Variants in SGSH observed in about 807,000 individuals in gnomAD.
SGSH encodes N-sulfoglucosamine sulfohydrolase.
In SGSH, 48 loss-of-function variants were observed where a neutral mutation model predicts 51.0. That is an observed-to-expected ratio of 0.94 (90% confidence interval 0.75 to 1.20). The LOEUF is 1.20. Ranked by LOEUF, SGSH falls within the 50% of genes most tolerant of loss-of-function variation. SGSH has a pLI of 0.00. For synonymous variants in SGSH, 321 were observed against 313.4 expected, an observed-to-expected ratio of 1.02 and a Z score of -0.26; for missense variants, 662 against 717.8, an observed-to-expected ratio of 0.92 and a Z score of 0.89.
In SGSH at chr17:80,210,948, G is replaced by A. The variant is rs143526757; in HGVS notation, c.1013C>T (p.Ser338Leu). The change falls in exon 8 of 8, where the codon TCG becomes TTG. Residue 338 changes from serine to leucine, a missense_variant. Physicochemically the swap from Ser to Leu is moderately radical, Grantham distance 145. Coordinates refer to ENST00000326317, the MANE Select transcript of SGSH (RefSeq NM_000199.5). ...IPYPSYAIFG[S>L]KTIHLTGRSL... ...CCGGCCAGTGAGGTGGATGGTCTTC[G>A]AGCCAAAGATGGCGTAGCTGGGGTA... The A allele has an allele frequency of 1.4e-5, 23 of 1,604,530 alleles. No homozygotes were observed. Among genetic ancestry groups the A allele is most frequent in the South Asian group, 3.3e-5 (3 of 91,088 alleles).
At chr17:80,206,385 G>A (rs944046398), downstream of SGSH, among the ~76,000 whole-genome samples, 24 of 152,258 alleles carry the variant, frequency 1.6e-4, no homozygotes, top group African/African-American at 5.1e-4. Flanking sequence ...AGGCCTAGGC[G>A]GGAAGATTGC....
In SGSH at chr17:80,212,163, T is replaced by TC. The variant is rs1567918280; in HGVS notation, c.856_857insG (p.Tyr286Ter). The change falls in exon 7 of 8, where the codon TAC becomes TGAC. Residue 286 changes from tyrosine (Y) to a stop codon, truncating the protein, a stop_gained and frameshift_variant. Coordinates refer to ENST00000326317, the MANE Select transcript of SGSH (RefSeq NM_000199.5). LOFTEE classifies it high-confidence loss of function. This position sits in a 1 kb window ranked among gnomAD's most constrained non-coding sequence, Gnocchi z 5.9. ...IPFPSGRTNLYWPGTAEPLLV... is the reference protein window; with the variant it reads ...IPFPSGRTNL Reference sequence around the variant, plus strand: ...TAAGGGTTCAGCAGTGCCCGGCCAGTACAGGTTGGTCCTGCCGCTGGGGAA... The same window carrying TC: ...TAAGGGTTCAGCAGTGCCCGGCCAGTCACAGGTTGGTCCTGCCGCTGGGGAA... The TC allele has an allele frequency of 6.2e-7, 1 of 1,613,538 alleles. No individual in the cohort carries two copies. The highest frequency in any genetic ancestry group is 8.5e-7 in the Non-Finnish European group (1 of 1,180,028).
chr17:80,202,406 C>G, downstream of SGSH: 1 of 1,612,086 alleles, frequency 6.2e-7, no homozygotes, highest in Non-Finnish European at 8.5e-7. Context: ...ACGGCACCAT[C>G]CCCAACTACT....
chr17:80,217,484 T>C (rs1404285934), intron 1 of SGSH, among the ~76,000 whole-genome samples: 4 of 150,498 alleles, frequency 2.7e-5, no homozygotes, highest in African/African-American at 9.8e-5. Flanking sequence ...GAAGACCCCA[T>C]ACCCACTGGG....
At chr17:80,214,972 T>A (rs886225698) in intron 3 of SGSH, 61 bp downstream of exon 3, 1 of 1,473,978 alleles carries the variant, frequency 6.8e-7, no homozygotes, top group Non-Finnish European at 9.3e-7. Flanking sequence ...CCGAACCTCC[T>A]GGGCTCTGGC....
At chr17:80,205,290 C>T (rs1023624238), downstream of SGSH, 42 of 1,244,018 alleles carry the variant, frequency 3.4e-5, no homozygotes, top group African/African-American at 5.8e-4. Flanking sequence ...TCCCCTTCCT[C>T]CCTCCTCCTT....
At chr17:80,207,350 A>G (rs2041384429), downstream of SGSH, among the ~76,000 whole-genome samples, 1 of 152,248 alleles carries the variant, frequency 6.6e-6, no homozygotes. Flanking sequence ...CAGCAGTTCG[A>G]GACCAGCCTG....
chr17:80,205,672 G>A (rs2041261946), downstream of SGSH: 2 of 1,535,028 alleles, frequency 1.3e-6, no homozygotes, highest in Non-Finnish European at 8.8e-7. Flanking sequence ...AGGGCGGGGT[G>A]GGCAGGGGAG....
downstream of SGSH, chr17:80,208,335 G>GC (rs1436935621): frequency 1.3e-6 from 2 of 1,597,020 alleles, no homozygotes; most frequent in Admixed American, 1.7e-5. Flanking sequence ...ACGGAGCAGA[G>GC]CCCCCGATGA....
At chr17:80,202,739 T>C (rs549110190), downstream of SGSH, 6 of 542,724 alleles carry the variant, frequency 1.1e-5, no homozygotes, top group South Asian at 6.4e-5. Context: ...CTGCAGGATA[T>C]AGAGCAGCAT....
In SGSH at chr17:80,212,555, C is replaced by G. The variant is rs2041711476; in HGVS notation, c.746-281G>C. On this transcript the variant is annotated intron_variant, in intron 6 of 7. Coordinates refer to ENST00000326317, the MANE Select transcript of SGSH (RefSeq NM_000199.5). This position sits in a 1 kb window ranked among gnomAD's most constrained non-coding sequence, Gnocchi z 5.9. ...CCCCCAGGCAGCTGCTCCCTGGTGC[C>G]CGCCGGCTTTTGAGTTCTCCGGAAT... 1 of 509,280 alleles carries G rather than the reference C, an allele frequency of 2.0e-6. No individual in the cohort carries two copies. Among genetic ancestry groups the G allele is most frequent in the African/African-American group, 1.9e-5 (1 of 51,898 alleles). 31.5% of individuals were successfully genotyped at this position (509,280 alleles called of 1,614,324 possible). A position where few individuals can be genotyped will look rare whatever the true frequency, so the allele number is the denominator to read the frequency against.
At chr17:80,207,000 G>T (rs771482198), downstream of SGSH, 1 of 1,612,978 alleles carries the variant, frequency 6.2e-7, no homozygotes, top group South Asian at 1.1e-5. Flanking sequence ...CGTCCAGCTG[G>T]ACAGTGTCTG....
At position 80,216,850 on chromosome 17, in the gene SGSH, G is replaced by A. The variant is rs569336344; in HGVS notation, c.249+182C>T. 307 of 621,622 alleles carry A rather than the reference G, an allele frequency of 4.9e-4. 2 individuals are homozygous for A. Among genetic ancestry groups the A allele is most frequent in the African/African-American group, 4.7e-3 (257 of 54,384 alleles). The allele number at this position is 621,622 out of a possible 1,614,324, so 38.5% of individuals were successfully genotyped here. On this transcript the variant is annotated intron_variant, in intron 2 of 7. Transcript: ENST00000326317. The stretch of plus-strand genomic sequence containing the variant: ...ACACAGCAGTGCAGCCAGGGCTGGC[G>A]GGTGAGTCGGAGCCCCTAGTCTGCA...
downstream of SGSH, chr17:80,209,124 T>C: frequency 5.5e-6 from 1 of 182,330 alleles, no homozygotes; most frequent in Non-Finnish European, 1.0e-5. Context: ...CAAACATCTT[T>C]ACTCCACCTT....
intron 3 of SGSH, 74 bp from the exon 4 acceptor site, chr17:80,214,839 C>T (rs966288663): frequency 1.6e-5 from 25 of 1,544,628 alleles, no homozygotes; most frequent in Middle Eastern, 1.8e-4. Context: ...CTGCCCCTCT[C>T]GGCCCTAAGC....
At position 80,212,918 on chromosome 17, in the gene SGSH, C is replaced by T. The variant is rs748729692; in HGVS notation, c.746-644G>A. 6 of 160,782 alleles carry T rather than the reference C, an allele frequency of 3.7e-5. No individual in the cohort carries two copies. Among genetic ancestry groups the T allele is most frequent in the East Asian group, 1.8e-4 (1 of 5,496 alleles). 10.0% of individuals were successfully genotyped at this position (160,782 alleles called of 1,614,324 possible). A position where few individuals can be genotyped will look rare whatever the true frequency, so the allele number is the denominator to read the frequency against. On this transcript the variant is annotated intron_variant, in intron 6 of 7. Coordinates refer to ENST00000326317, the MANE Select transcript of SGSH (RefSeq NM_000199.5). This position sits in a 1 kb window ranked among gnomAD's most constrained non-coding sequence, Gnocchi z 5.9. ...ATAAGAAGCGGAAACAGGCCGGGCG[C>T]GGTGCCTCACACCTGTAATCCCAGC...
Position 80,214,705 on chromosome 17 carries a change from G to A in SGSH, c.416C>T (p.Thr139Met), listed in dbSNP as rs775112689. The change falls in exon 4 of 8, where the codon ACG becomes ATG. Residue 139 changes from threonine to methionine, a missense_variant. By Grantham distance (81) the Thr-to-Met change is moderately conservative. Coordinates refer to ENST00000326317, the MANE Select transcript of SGSH (RefSeq NM_000199.5). ...CTGGAGGACGGAGCCATTCTCCTCC[G>A]TGTACGCAAAGTCAAACGGGTACAC... is the stretch of plus-strand genomic sequence containing the variant. The part of the protein sequence containing the change: ...ETVYPFDFAY[T>M]EENGSVLQVG... 18 of 1,612,986 alleles carry A rather than the reference G, an allele frequency of 1.1e-5. No individual in the cohort carries two copies. Among genetic ancestry groups the A allele is most frequent in the East Asian group, 4.5e-5 (2 of 44,884 alleles).
chr17:80,205,523 A>AC (rs770658706), downstream of SGSH: 1 of 1,582,654 alleles, frequency 6.3e-7, no homozygotes, highest in East Asian at 2.3e-5. Context: ...GTCCAATGTC[A>AC]CCTGTAGAGT....
intron 7 of SGSH, chr17:80,211,224 A>G: frequency 1.4e-6 from 2 of 1,387,736 alleles, no homozygotes; most frequent in Admixed American, 2.7e-5. Context: ...ATTCGGTGAC[A>G]TTTAGGATCC....
Sources: gnomAD v4.1 joint callset for allele counts (sites outside exome capture counted in the v4.1 genomes callset) on GRCh38, gnomAD v4.1.1 for gene constraint, Gnocchi (gnomAD v3.1) non-coding constraint, MANE v1.5 for transcripts, NCBI Gene and HGNC (gene_info 2026-07-23, HGNC 2026-07-21) for gene names.